The following KCNN2 variants were observed in gnomAD, a reference collection of about 807,000 sequenced individuals.
The protein encoded by KCNN2 is small conductance calcium-activated potassium channel protein 2.
KCNN2 carries 24 observed loss-of-function variants against 55.5 expected under a neutral mutation model. The ratio of observed to expected loss-of-function variants is 0.43; its 90% CI spans 0.31 to 0.61. The LOEUF (loss-of-function observed/expected upper bound fraction) is 0.61. KCNN2 is among the 20% of genes least tolerant of loss of function. The pLI, the probability that KCNN2 is intolerant of heterozygous loss-of-function variation, is 0.08. For synonymous variants in KCNN2, 431 were observed against 336.1 expected, an observed-to-expected ratio of 1.28 and a Z score of -3.09; for missense variants, 754 against 853.6, an observed-to-expected ratio of 0.88 and a Z score of 1.45.
At chr5:114,353,495 T>C (rs970668332) in intron 2 of KCNN2, among the ~76,000 whole-genome samples, 1 of 151,888 alleles carries the variant, frequency 6.6e-6, no homozygotes, top group Admixed American at 6.6e-5. Flanking sequence ...TTTAAAAATA[T>C]GAAATTATAT....
At chr5:114,385,683 T>C (rs1758259323) in intron 2 of KCNN2, among the ~76,000 whole-genome samples, 1 of 152,164 alleles carries the variant, frequency 6.6e-6, no homozygotes, top group Non-Finnish European at 1.5e-5. Flanking sequence ...AGCACAGGTC[T>C]CCCTCTTCTG....
intron 2 of KCNN2, among the ~76,000 whole-genome samples, chr5:114,232,339 T>A (rs949607788): frequency 6.6e-6 from 1 of 151,416 alleles, no homozygotes; most frequent in African/African-American, 2.5e-5. Context: ...TAAAAATTAA[T>A]GGTCCATCTT....
intron 3 of KCNN2, among the ~76,000 whole-genome samples, chr5:114,458,608 T>A (rs967891368): frequency 4.6e-5 from 7 of 152,224 alleles, no homozygotes; most frequent in African/African-American, 1.7e-4. Context: ...TAAGGCATAG[T>A]CGTTATCTTC....
At chr5:114,354,453 G>T (rs533177440) in intron 2 of KCNN2, among the ~76,000 whole-genome samples, 3 of 152,172 alleles carry the variant, frequency 2.0e-5, no homozygotes, top group South Asian at 4.1e-4. Context: ...GTATGAATAT[G>T]AGGGCTAAAA....
At chr5:114,329,556 G>A (rs77584817) in intron 2 of KCNN2, among the ~76,000 whole-genome samples, 5,993 of 152,136 alleles carry the variant, frequency 0.039, 406 homozygotes, top group African/African-American at 0.14. Context: ...AGGGGCTTTC[G>A]GGCCTTCGGT....
intron 2 of KCNN2, among the ~76,000 whole-genome samples, chr5:114,334,461 GTA>G (rs1756886570): frequency 6.6e-6 from 1 of 151,876 alleles, no homozygotes; most frequent in African/African-American, 2.4e-5. Flanking sequence ...AATGAAAAGT[GTA>G]TATATAGATA....
At chr5:114,237,184 C>G (rs1477590842) in intron 2 of KCNN2, among the ~76,000 whole-genome samples, 1 of 151,286 alleles carries the variant, frequency 6.6e-6, no homozygotes, top group Non-Finnish European at 1.5e-5. Flanking sequence ...GTACGACAAG[C>G]AATTGTTGCA....
intron 2 of KCNN2, among the ~76,000 whole-genome samples, chr5:114,247,265 T>A (rs1245960994): frequency 7.0e-6 from 1 of 142,860 alleles, no homozygotes; most frequent in Non-Finnish European, 1.5e-5. Flanking sequence ...GAATAAGAGA[T>A]ATCTGTGCTG....
intron 1 of KCNN2, among the ~76,000 whole-genome samples, chr5:114,168,845 A>AAGGAAGGT (rs1408066214): frequency 6.6e-6 from 1 of 152,068 alleles, no homozygotes; most frequent in East Asian, 1.9e-4. Flanking sequence ...AAAGATTCCC[A>AAGGAAGGT]AGGAAGGTGT....
intron 2 of KCNN2, among the ~76,000 whole-genome samples, chr5:114,278,651 C>T (rs1755544466): frequency 6.6e-6 from 1 of 152,236 alleles, no homozygotes; most frequent in Non-Finnish European, 1.5e-5. Context: ...GAGCAAGGCT[C>T]TGTGGGCATG....
intron 3 of KCNN2, among the ~76,000 whole-genome samples, chr5:114,441,405 A>G (rs182898012): frequency 6.6e-5 from 10 of 152,328 alleles, no homozygotes; most frequent in Admixed American, 5.9e-4. Flanking sequence ...AGACTGTTTC[A>G]GTAATTGACC....
At chr5:114,127,597 G>A (rs1751965404) in intron 1 of KCNN2, among the ~76,000 whole-genome samples, 2 of 152,202 alleles carry the variant, frequency 1.3e-5, no homozygotes, top group Non-Finnish European at 2.9e-5. Context: ...GGGCTGCTGG[G>A]AAGGTTTCTG....
intron 1 of KCNN2, among the ~76,000 whole-genome samples, chr5:114,116,977 T>G (rs1349139835): frequency 6.6e-6 from 1 of 152,124 alleles, no homozygotes; most frequent in Non-Finnish European, 1.5e-5. Flanking sequence ...TGTTTGATAA[T>G]GGTCATTTGT....
chr5:114,259,707 G>T (rs187886923), intron 2 of KCNN2, among the ~76,000 whole-genome samples: 1 of 152,198 alleles, frequency 6.6e-6, no homozygotes, highest in Non-Finnish European at 1.5e-5. Flanking sequence ...CTGTAGGGGT[G>T]AGGGGAGCCG....
intron 2 of KCNN2, among the ~76,000 whole-genome samples, chr5:114,284,922 GA>G (rs1271957719): frequency 6.6e-6 from 1 of 152,062 alleles, no homozygotes; most frequent in African/African-American, 2.4e-5. Context: ...CTAGAGCTGT[GA>G]AAAAAATAAA....
chr5:114,227,732 T>A lies in KCNN2; in HGVS notation c.-185+6167T>A, dbSNP rs1050232770. ...CCTAGTTCTTTCACTCTTAGCTGTA[T>A]GATATTATTTCTGAATTAAGCCCAT... On this transcript the variant is annotated intron_variant, in intron 2 of 10. Transcript: ENST00000512097. Among the ~76,000 whole-genome samples, 8 of 152,136 alleles carry A rather than the reference T, an allele frequency of 5.3e-5. 1 individual carries two copies. Among genetic ancestry groups the A allele is most frequent in the African/African-American group, 1.9e-4 (8 of 41,442 alleles).
intron 1 of KCNN2, among the ~76,000 whole-genome samples, chr5:114,096,562 G>C (rs1357233305): frequency 6.6e-6 from 1 of 152,096 alleles, no homozygotes; most frequent in African/African-American, 2.4e-5. Flanking sequence ...CTATGGTGCA[G>C]AATCCAGGCC....
At chr5:114,171,514 C>T (rs1226023041) in intron 1 of KCNN2, among the ~76,000 whole-genome samples, 1 of 151,922 alleles carries the variant, frequency 6.6e-6, no homozygotes, top group Admixed American at 6.6e-5. Context: ...CTTCACCTCT[C>T]CTGCTCCTTG....
chr5:114,371,527 G>A (rs1051949182), intron 2 of KCNN2, among the ~76,000 whole-genome samples: 1 of 152,110 alleles, frequency 6.6e-6, no homozygotes, highest in Non-Finnish European at 1.5e-5. Flanking sequence ...CTTAACATGG[G>A]GTAGGGAAGT....
Sources: allele counts gnomAD v4.1 joint callset (sites outside exome capture counted in the v4.1 genomes callset), GRCh38; gene constraint gnomAD v4.1.1; transcripts MANE v1.5; gene names NCBI Gene and HGNC (gene_info 2026-07-23, HGNC 2026-07-21).